The following AKNA variants were observed in gnomAD, a reference collection of about 807,000 sequenced individuals.
The protein encoded by AKNA is AT-hook transcription factor, also known as microtubule organization protein AKNA.
Under a neutral mutation model 138.8 loss-of-function variants are expected in AKNA, and 67 were observed. The ratio of observed to expected loss-of-function variants is 0.48; its 90% CI spans 0.40 to 0.59. AKNA has a LOEUF of 0.59. Ranked by LOEUF, AKNA falls within the 20% of genes least tolerant of loss-of-function variation. The pLI, the probability that AKNA is intolerant of heterozygous loss-of-function variation, is 0.00. For synonymous variants in AKNA, 737 were observed against 754.4 expected (o/e 0.98, Z 0.38); for missense variants, 1,813 against 1,880.4 (o/e 0.96, Z 0.66).
intron 4 of AKNA, among the ~76,000 whole-genome samples, chr9:114,369,230 C>A (rs1027036146): frequency 6.6e-5 from 10 of 152,262 alleles, no homozygotes; most frequent in African/African-American, 1.9e-4. Context: ...CCAAGGAAGG[C>A]CTCTTGAAGC....
intron 17 of AKNA, 29 bp from the exon 18 acceptor site, chr9:114,346,038 G>C: frequency 6.2e-7 from 1 of 1,607,586 alleles, no homozygotes; most frequent in Non-Finnish European, 8.5e-7. Context: ...GGCATCAGAG[G>C]GGGCAAGGGG....
At chr9:114,389,689 A>G (rs1436750702), upstream of AKNA, among the ~76,000 whole-genome samples, 1 of 152,216 alleles carries the variant, frequency 6.6e-6, no homozygotes, top group Non-Finnish European at 1.5e-5. Flanking sequence ...CTACTTAGGT[A>G]TAAGTCTCTG....
chr9:114,374,084 G>A lies in AKNA; in HGVS notation c.1416+9C>T. On this transcript the variant is annotated intron_variant, in intron 4 of 21. Transcript: ENST00000374088. ...GGGCCCATGCCTCCACCCCATCCCGGCCTGGTACCTTGGCCCCGAGGCGTA... is the reference window on the plus strand; with the variant it reads ...GGGCCCATGCCTCCACCCCATCCCGACCTGGTACCTTGGCCCCGAGGCGTA... 1 of 1,553,752 alleles carries A rather than the reference G, an allele frequency of 6.4e-7. No homozygotes were observed. The highest frequency in any genetic ancestry group is 8.7e-7 in the Non-Finnish European group (1 of 1,148,076).
Position 114,361,907 on chromosome 9 carries a change from G to C in AKNA, c.1921C>G (p.Leu641Val). Residue 641 changes from leucine to valine, a missense_variant, in exon 9 of 22, where the codon CTG becomes GTG. Coordinates refer to ENST00000374088, the MANE Select transcript of AKNA (RefSeq NM_001317950.2). ...TPGRFDPRRE[L>V]EAEIYRLGSC... ...CCCAGACGGTATATCTCTGCCTCCA[G>C]CTCCCTGGAATGCAGAAACATTACC... 1 of 1,601,528 alleles carries C rather than the reference G, an allele frequency of 6.2e-7. No homozygotes were observed. The highest frequency in any genetic ancestry group is 8.5e-7 in the Non-Finnish European group (1 of 1,179,932).
downstream of AKNA, among the ~76,000 whole-genome samples, chr9:114,333,591 A>T (rs1355140786): frequency 2.2e-5 from 3 of 138,142 alleles, no homozygotes; most frequent in Non-Finnish European, 4.6e-5. Context: ...TGTTGGGAAC[A>T]TTATCACACA....
At chr9:114,346,446 A>G (rs962233618) in intron 17 of AKNA, among the ~76,000 whole-genome samples, 7 of 152,232 alleles carry the variant, frequency 4.6e-5, no homozygotes, top group African/African-American at 1.4e-4. Context: ...AGTGGAGGTT[A>G]AGCAAGACAG....
upstream of AKNA, among the ~76,000 whole-genome samples, chr9:114,397,095 G>A (rs1259169893): frequency 6.6e-6 from 1 of 152,160 alleles, no homozygotes; most frequent in Non-Finnish European, 1.5e-5. Context: ...CCAATCACAT[G>A]TTTTAAATGC....
intron 14 of AKNA, 99 bp downstream of exon 14, chr9:114,355,826 G>T: frequency 1.6e-6 from 2 of 1,236,728 alleles, no homozygotes; most frequent in Non-Finnish European, 2.2e-6. Flanking sequence ...TCAGTACAAT[G>T]AACCTGGCTA....
At chr9:114,331,705 C>T (rs371411972), downstream of AKNA, 6 of 1,596,422 alleles carry the variant, frequency 3.8e-6, no homozygotes, top group East Asian at 4.5e-5. Flanking sequence ...CAAACTCATG[C>T]CCCTCTCAGG....
At chr9:114,360,087 A>G (rs748080786) in intron 9 of AKNA, 25 bp from the exon 10 acceptor site, 9 of 1,613,794 alleles carry the variant, frequency 5.6e-6, no homozygotes. Context: ...ATGGACAGAC[A>G]GAGATTCAGC....
rs1415114732 is a variant in AKNA, at chr9:114,350,933, G to A, written c.3147C>T (p.Ala1049=). Residue 1049 remains alanine (A), a synonymous_variant, in exon 15 of 22, where the codon GCC becomes GCT. Coordinates refer to ENST00000374088, the MANE Select transcript of AKNA (RefSeq NM_001317950.2). ...CACAGGGTAGAGGCGCAGCGGCAGG[G>A]GCGGGGGCTGGGGGTGGGCTGATTG... is the stretch of plus-strand genomic sequence containing the variant. ...NKTISPPPAP[A]PAAAPLPCGP... 3.1e-6 allele frequency: 5 copies of A among 1,611,986 alleles called. No homozygotes were observed. The Middle Eastern group carries it at 7.1e-4, about 230-fold the overall frequency.
At chr9:114,347,439 C>T (rs530443253) in intron 16 of AKNA, among the ~76,000 whole-genome samples, 25 of 152,280 alleles carry the variant, frequency 1.6e-4, no homozygotes, top group African/African-American at 4.3e-4. Context: ...AGGCTGGTTT[C>T]GAACTCCTGA....
intron 1 of AKNA, among the ~76,000 whole-genome samples, chr9:114,382,981 T>C (rs1158199210): frequency 6.6e-6 from 1 of 152,230 alleles, no homozygotes. Flanking sequence ...TTTTATGTTA[T>C]GTGAATTTCA....
At chr9:114,351,179 CA>C (rs1831094714) in intron 14 of AKNA, among the ~76,000 whole-genome samples, 158 bp from the exon 15 acceptor site, 1 of 152,152 alleles carries the variant, frequency 6.6e-6, no homozygotes, top group African/African-American at 2.4e-5. Context: ...CACTGACCTC[CA>C]AACCAGAAGA....
intron 4 of AKNA, among the ~76,000 whole-genome samples, chr9:114,372,699 T>C (rs890617665): frequency 2.0e-4 from 31 of 152,124 alleles, no homozygotes; most frequent in Non-Finnish European, 3.1e-4. Flanking sequence ...TGATGACCAG[T>C]TCCTTTCTCC....
At chr9:114,393,960 G>T (rs542477303) in intron 1 of AKNA, among the ~76,000 whole-genome samples, 50 of 152,190 alleles carry the variant, frequency 3.3e-4, no homozygotes, top group African/African-American at 1.1e-3. Context: ...ATCACCTGAG[G>T]TCAGGAGTTC....
intron 1 of AKNA, among the ~76,000 whole-genome samples, chr9:114,386,445 G>C (rs939945167): frequency 3.9e-5 from 6 of 152,168 alleles, no homozygotes; most frequent in African/African-American, 1.4e-4. Context: ...AGAGCTATGG[G>C]CAGGTGTCCC....
Position 114,336,568 on chromosome 9 carries a change from C to T in AKNA, c.*486G>A, listed in dbSNP as rs1033803963. On this transcript the variant is annotated 3_prime_UTR_variant, in exon 22 of 22. Coordinates refer to ENST00000374088, the MANE Select transcript of AKNA (RefSeq NM_001317950.2). ...TACCAGTCACTAGGAGAAAGGTCTC[C>T]GGCTATGCCCTTCCCAGTGATGCTT... 25 of 155,358 alleles carry T rather than the reference C, an allele frequency of 1.6e-4. No individual in the cohort carries two copies. The highest frequency in any genetic ancestry group is 5.2e-4 in the Admixed American group (8 of 15,370). The allele number at this position is 155,358 out of a possible 1,614,324, so 9.6% of individuals were successfully genotyped here.
chr9:114,366,381 A>G lies in AKNA; in HGVS notation c.1728+1162T>C, dbSNP rs1047021312. ...ATGGTAAGTGACAGATGTCAGACACAGGACAAATATTGCGTGAATCTATTG... is the reference window on the plus strand; with the variant it reads ...ATGGTAAGTGACAGATGTCAGACACGGGACAAATATTGCGTGAATCTATTG... On this transcript the variant is annotated intron_variant, in intron 6 of 21. Transcript: ENST00000374088. Among the ~76,000 whole-genome samples the G allele has an allele frequency of 1.8e-4, 28 of 152,214 alleles. 1 individual carries two copies. Among genetic ancestry groups the G allele is most frequent in the Admixed American group, 1.8e-3 (27 of 15,286 alleles).
Sources: gnomAD v4.1 joint callset for allele counts (sites outside exome capture counted in the v4.1 genomes callset) on GRCh38, gnomAD v4.1.1 for gene constraint, MANE v1.5 for transcripts, NCBI Gene and HGNC (gene_info 2026-07-23, HGNC 2026-07-21) for gene names.